Variants in DYDC2 observed in about 807,000 individuals in gnomAD.
DYDC2 encodes DPY30 domain-containing protein 2.
In DYDC2, 19 loss-of-function variants were observed where a neutral mutation model predicts 18.7. That is an observed-to-expected ratio of 1.02 (90% confidence interval 0.71 to 1.49). The LOEUF (loss-of-function observed/expected upper bound fraction) is 1.49, where lower values mean the gene tolerates loss of function less well. DYDC2 is among the 40% of genes most tolerant of loss of function. DYDC2 has a pLI of 0.00. For synonymous variants in DYDC2, 63 were observed against 67.6 expected (o/e 0.93, Z 0.34); for missense variants, 179 against 205.1 (o/e 0.87, Z 0.78).
chr10:80,356,863 C>G (rs945105956), intron 1 of DYDC2, 38 bp downstream of exon 1: 3 of 983,634 alleles, frequency 3.0e-6, no homozygotes, highest in Non-Finnish European at 3.6e-6. Flanking sequence ...GAAGGGGGAA[C>G]GCGCAGCAGA....
At chr10:80,359,743 C>T (rs1464460585) in intron 2 of DYDC2, among the ~76,000 whole-genome samples, 1 of 152,208 alleles carries the variant, frequency 6.6e-6, no homozygotes, top group Non-Finnish European at 1.5e-5. Flanking sequence ...GTGCTAAGCT[C>T]CTCACTGCCT....
chr10:80,346,444 CTTTTTTTTTTTTT>C (rs1032729095), intron 1 of DYDC2, among the ~76,000 whole-genome samples: 5 of 83,360 alleles, frequency 6.0e-5, no homozygotes, highest in Non-Finnish European at 8.6e-5. Context: ...TCTTCCCTTT[CTTTTTTTTTTTTT>C]TTTTTTTTTT....
At chr10:80,347,768 C>T (rs1412797372) in intron 1 of DYDC2, among the ~76,000 whole-genome samples, 1 of 152,136 alleles carries the variant, frequency 6.6e-6, no homozygotes, top group Non-Finnish European at 1.5e-5. Context: ...ACCGTATATA[C>T]TTGGGCTTAT....
At position 80,363,037 on chromosome 10, in the gene DYDC2, G is replaced by A. The variant is rs1538818; in HGVS notation, c.234G>A (p.Glu78=). 0.13 allele frequency: 205,282 copies of A among 1,613,562 alleles called. 15,255 individuals carry two copies. The highest frequency in any genetic ancestry group is 0.27 in the South Asian group (24,494 of 90,920). The change falls in exon 4 of 5, where the codon GAG becomes GAA. Residue 78 remains glutamate (E), a synonymous_variant. Transcript: ENST00000256039. ...MEMTEMLKQE[E]YQIQQNCEKC... is the part of the protein sequence containing the mutation. ...TGACAGAAATGCTGAAACAGGAAGA[G>A]TATCAGATTCAACAGAACTGTGAAA...
chr10:80,360,671 A>G (rs1843636836), intron 2 of DYDC2, among the ~76,000 whole-genome samples: 1 of 152,150 alleles, frequency 6.6e-6, no homozygotes, highest in African/African-American at 2.4e-5. Flanking sequence ...ACTTGGATAA[A>G]TTATGTCACA....
upstream of DYDC2, chr10:80,356,529 G>T: frequency 1.0e-6 from 1 of 985,498 alleles, no homozygotes; most frequent in Non-Finnish European, 1.2e-6. Context: ...TCCCCGCTCA[G>T]GGGGAGCAGG....
chr10:80,357,015 C>A (rs1843418420), intron 1 of DYDC2, among the ~76,000 whole-genome samples, 190 bp downstream of exon 1: 1 of 124,172 alleles, frequency 8.1e-6, no homozygotes, highest in Non-Finnish European at 1.7e-5. Context: ...GAGGAGGGGG[C>A]GTGCAGGCGC....
exon 1 of DYDC2, chr10:80,344,784 T>G: frequency 3.2e-6 from 1 of 310,606 alleles, no homozygotes; most frequent in Non-Finnish European, 6.2e-6. Context: ...CCTCCCACCA[T>G]GATTCTGAGA....
intron 4 of DYDC2, among the ~76,000 whole-genome samples, chr10:80,365,412 T>C (rs1016949881): frequency 6.6e-6 from 1 of 152,240 alleles, no homozygotes; most frequent in Admixed American, 6.5e-5. Context: ...ATAATTTTGT[T>C]TCTGAGTCAG....
At chr10:80,351,188 G>A (rs1842952700) in intron 1 of DYDC2, among the ~76,000 whole-genome samples, 2 of 152,092 alleles carry the variant, frequency 1.3e-5, no homozygotes, top group South Asian at 2.1e-4. Flanking sequence ...ACTTCATAAA[G>A]AAGACAGAAA....
At chr10:80,347,812 G>A (rs1308590045) in intron 1 of DYDC2, among the ~76,000 whole-genome samples, 2 of 152,178 alleles carry the variant, frequency 1.3e-5, no homozygotes, top group African/African-American at 4.8e-5. Flanking sequence ...ACTGGTCTAT[G>A]TGTCTGTTTT....
intron 1 of DYDC2, among the ~76,000 whole-genome samples, chr10:80,347,066 C>G (rs541724366): frequency 6.6e-6 from 1 of 150,486 alleles, no homozygotes; most frequent in African/African-American, 2.5e-5. Flanking sequence ...GGTGAAAGAG[C>G]GAGACTCTGT....
intron 1 of DYDC2, 139 bp from the exon 2 acceptor site, chr10:80,357,754 G>A (rs1843477521): frequency 3.1e-6 from 3 of 973,184 alleles, no homozygotes; most frequent in Non-Finnish European, 3.7e-6. Context: ...GCTTATGGGC[G>A]GGGCAGTGCC....
In DYDC2 at chr10:80,366,594, C is replaced by T. The variant is rs527385760; in HGVS notation, c.271-94C>T. 3.1e-4 allele frequency: 450 copies of T among 1,438,460 alleles called. 2 individuals carry two copies. In the African/African-American group the frequency reaches 5.9e-3, roughly 19 times the overall value. 89.1% of individuals were successfully genotyped at this position (1,438,460 alleles called of 1,614,324 possible). A position where few individuals can be genotyped will look rare whatever the true frequency, so the allele number is the denominator to read the frequency against. On this transcript the variant is annotated intron_variant, in intron 4 of 4. Transcript: ENST00000256039. The stretch of plus-strand genomic sequence containing the variant: ...GCTATTTCAGTTTGGTTCTTAGTCT[C>T]TGGCATGAAAATAGCAATACTGTGT...
chr10:80,355,293 C>T (rs987991277), upstream of DYDC2, among the ~76,000 whole-genome samples: 2 of 151,642 alleles, frequency 1.3e-5, no homozygotes, highest in Non-Finnish European at 2.9e-5. Context: ...CCGTCCATAA[C>T]CCCCAATTTT....
upstream of DYDC2, among the ~76,000 whole-genome samples, chr10:80,354,015 C>T (rs1413562615): frequency 1.3e-5 from 2 of 151,666 alleles, no homozygotes; most frequent in Non-Finnish European, 2.9e-5. Flanking sequence ...ACTTGGGAGG[C>T]TGAGGCAGGA....
intron 3 of DYDC2, 94 bp from the exon 4 acceptor site, chr10:80,362,857 G>C (rs1843706211): frequency 6.7e-7 from 1 of 1,485,748 alleles, no homozygotes; most frequent in Admixed American, 2.3e-5. Context: ...CAGGCCCAAA[G>C]AGCCCACAGC....
chr10:80,346,523 C>T (rs1289904007), intron 1 of DYDC2, among the ~76,000 whole-genome samples: 12 of 138,720 alleles, frequency 8.7e-5, no homozygotes, highest in East Asian at 2.3e-4. Flanking sequence ...TGCAGTGGCG[C>T]GATCTCAGCT....
At chr10:80,365,625 G>C (rs1007762570) in intron 4 of DYDC2, among the ~76,000 whole-genome samples, 2 of 152,162 alleles carry the variant, frequency 1.3e-5, no homozygotes, top group Non-Finnish European at 2.9e-5. Context: ...AAGTGGAGGG[G>C]ATCAGTAGAG....
Sources: gnomAD v4.1 joint callset for allele counts (sites outside exome capture counted in the v4.1 genomes callset) on GRCh38, gnomAD v4.1.1 for gene constraint, MANE v1.5 for transcripts, NCBI Gene and HGNC (gene_info 2026-07-23, HGNC 2026-07-21) for gene names.